CDH18: variants seen among roughly 807,000 people sequenced by gnomAD.
The protein encoded by CDH18 is cadherin-18.
CDH18 carries 31 observed loss-of-function variants against 67.9 expected under a neutral mutation model. That is an observed-to-expected ratio of 0.46 (90% CI 0.34 to 0.62). CDH18 has a LOEUF of 0.62. Among genes scored for constraint, CDH18 ranks in the 20% least tolerant of loss-of-function variants. CDH18 has a pLI of 0.01. For missense variants in CDH18, 890 were observed against 975.5 expected, an observed-to-expected ratio of 0.91 and a Z score of 1.17; for synonymous variants, 362 against 347.2, an observed-to-expected ratio of 1.04 and a Z score of -0.48.
intron 2 of CDH18, among the ~76,000 whole-genome samples, chr5:20,077,588 C>G (rs1744062390): frequency 6.6e-6 from 1 of 151,828 alleles, no homozygotes; most frequent in Non-Finnish European, 1.5e-5. Context: ...CCTTTTTTCC[C>G]AAAAATAGGA....
intron 1 of CDH18, among the ~76,000 whole-genome samples, chr5:20,276,243 C>G (rs887866321): frequency 1.3e-5 from 2 of 152,180 alleles, no homozygotes; most frequent in Admixed American, 6.5e-5. Context: ...CTCTGCTAAT[C>G]CCAGGGAGCG....
rs774606920 is a variant in CDH18, at chr5:19,473,544, G to C, written c.2055C>G (p.Leu685=). ...ALRNPSAAEE[L]KYRRDIRPEV... is the part of the protein sequence containing the mutation. ...CAGGTCTGATATCCCTCCGGTACTT[G>C]AGCTCCTCAGCAGCAGAAGGATTCC... Residue 685 remains leucine, a synonymous_variant, in exon 13 of 13, where the codon CTC becomes CTG. Coordinates refer to ENST00000382275, the MANE Select transcript of CDH18 (RefSeq NM_004934.5). The C allele has an allele frequency of 8.1e-6, 13 of 1,613,814 alleles. No homozygotes were observed. Among genetic ancestry groups the C allele is most frequent in the Non-Finnish European group, 1.0e-5 (12 of 1,179,874 alleles).
intron 1 of CDH18, among the ~76,000 whole-genome samples, chr5:20,364,516 G>A (rs900998805): frequency 1.3e-5 from 2 of 152,086 alleles, no homozygotes; most frequent in Admixed American, 6.5e-5. Flanking sequence ...AGAGTTGAGA[G>A]TCTAGGTTTT....
intron 5 of CDH18, among the ~76,000 whole-genome samples, chr5:19,693,359 A>AT (rs896413330): frequency 8.5e-5 from 13 of 152,186 alleles, no homozygotes; most frequent in Non-Finnish European, 1.8e-4. Flanking sequence ...AAATCAACTT[A>AT]TTTTTTTGAA....
intron 7 of CDH18, among the ~76,000 whole-genome samples, chr5:19,579,403 C>T (rs1742850116): frequency 6.6e-6 from 1 of 151,576 alleles, no homozygotes; most frequent in African/African-American, 2.4e-5. Context: ...TTATTATGAT[C>T]TTATTTTTTT....
At chr5:20,382,777 C>T (rs577134282) in intron 1 of CDH18, among the ~76,000 whole-genome samples, 1 of 152,242 alleles carries the variant, frequency 6.6e-6, no homozygotes, top group Admixed American at 6.5e-5. Flanking sequence ...ATAAATCCAA[C>T]ACCAGTTATG....
chr5:20,412,080 G>T (rs1746835053), intron 1 of CDH18, among the ~76,000 whole-genome samples: 1 of 151,944 alleles, frequency 6.6e-6, no homozygotes, highest in South Asian at 2.1e-4. Context: ...AGACAAAGCG[G>T]TCCTAAGCAA....
At chr5:19,907,412 T>G (rs1049771037) in intron 2 of CDH18, among the ~76,000 whole-genome samples, 2 of 151,982 alleles carry the variant, frequency 1.3e-5, no homozygotes, top group African/African-American at 4.8e-5. Flanking sequence ...TTCATTTATG[T>G]TTTCTATACA....
At chr5:19,894,672 T>G (rs1789117565) in intron 2 of CDH18, among the ~76,000 whole-genome samples, 1 of 152,118 alleles carries the variant, frequency 6.6e-6, no homozygotes, top group Non-Finnish European at 1.5e-5. Context: ...TTTGTTTTGG[T>G]TGTCATACAG....
rs1047301806 is a variant in CDH18 at position 19,528,948 on chromosome 5, A to G, written c.1391-8170T>C. On this transcript the variant is annotated intron_variant, in intron 9 of 12. Transcript: ENST00000382275. Reference sequence around the variant, plus strand: ...TTTAAATAAACTACATAATTACAATAAGAAGTTTGACTGGTTTGGAAATAG... The same window carrying G: ...TTTAAATAAACTACATAATTACAATGAGAAGTTTGACTGGTTTGGAAATAG... Among the ~76,000 whole-genome samples, 5 of 151,950 alleles carry G rather than the reference A, an allele frequency of 3.3e-5. No individual in the cohort carries two copies. The South Asian group carries it at 1.0e-3, about 31-fold the overall frequency.
intron 2 of CDH18, among the ~76,000 whole-genome samples, chr5:19,957,811 C>G (rs1340386595): frequency 6.6e-6 from 1 of 150,516 alleles, no homozygotes; most frequent in Non-Finnish European, 1.5e-5. Flanking sequence ...TATTTATTTT[C>G]AGAGTTAAAG....
At chr5:20,016,692 A>G (rs2150424451) in intron 2 of CDH18, among the ~76,000 whole-genome samples, 1 of 152,262 alleles carries the variant, frequency 6.6e-6, no homozygotes. Flanking sequence ...TTTAGTGAAC[A>G]ATGCAGTATC....
intron 5 of CDH18, among the ~76,000 whole-genome samples, chr5:19,660,196 T>C (rs1443374089): frequency 6.6e-6 from 1 of 152,114 alleles, no homozygotes; most frequent in Non-Finnish European, 1.5e-5. Context: ...CATTTTTTCA[T>C]TTTTTGCAGT....
rs376707318 is a variant in CDH18 at position 19,867,503 on chromosome 5, T to C, written c.-256-28261A>G. Reference sequence around the variant, plus strand: ...AGAAAAAGTGGCATTTGCTACATACTTCAAAGCTTTTATGTAAAGCAAAAA... The same window carrying C: ...AGAAAAAGTGGCATTTGCTACATACCTCAAAGCTTTTATGTAAAGCAAAAA... On this transcript the variant is annotated intron_variant, in intron 2 of 12. Transcript: ENST00000382275. Among the ~76,000 whole-genome samples the C allele has an allele frequency of 3.0e-3, 461 of 152,342 alleles. 6 individuals carry two copies. The highest frequency in any genetic ancestry group is 0.01 in the African/African-American group (416 of 41,586).
At chr5:19,994,171 C>G (rs958156655) in intron 2 of CDH18, among the ~76,000 whole-genome samples, 4 of 151,822 alleles carry the variant, frequency 2.6e-5, no homozygotes, top group African/African-American at 7.3e-5. Context: ...TCAGCTTTGT[C>G]AACTGAATGA....
intron 2 of CDH18, among the ~76,000 whole-genome samples, chr5:19,845,349 C>G (rs1488757317): frequency 6.6e-6 from 1 of 152,090 alleles, no homozygotes; most frequent in Non-Finnish European, 1.5e-5. Context: ...TTTATTTCTA[C>G]CTAACTTCCA....
chr5:20,041,205 T>C (rs1217867275), intron 2 of CDH18, among the ~76,000 whole-genome samples: 3 of 152,196 alleles, frequency 2.0e-5, no homozygotes, highest in African/African-American at 7.2e-5. Context: ...CTTGCATGTA[T>C]AGTAGAATCA....
At chr5:20,465,032 A>G (rs1485350484) in intron 1 of CDH18, among the ~76,000 whole-genome samples, 1 of 152,144 alleles carries the variant, frequency 6.6e-6, no homozygotes, top group Admixed American at 6.5e-5. Flanking sequence ...CAGCTTCAGT[A>G]AAGTAGTAAA....
intron 1 of CDH18, among the ~76,000 whole-genome samples, chr5:20,506,840 C>T (rs1163957731): frequency 1.3e-5 from 2 of 151,940 alleles, no homozygotes; most frequent in African/African-American, 2.4e-5. Flanking sequence ...TCCTTTATTT[C>T]CTTTATTCTC....
Sources: gnomAD v4.1 joint callset for allele counts (sites outside exome capture counted in the v4.1 genomes callset) on GRCh38, gnomAD v4.1.1 for gene constraint, MANE v1.5 for transcripts, NCBI Gene and HGNC (gene_info 2026-07-23, HGNC 2026-07-21) for gene names.